ZNF804B: variants seen among roughly 807,000 people sequenced by gnomAD.
The protein encoded by ZNF804B is zinc finger 804B.
ZNF804B carries 80 observed loss-of-function variants against 101.4 expected under a neutral mutation model. The ratio of observed to expected loss-of-function variants is 0.79; its 90% CI spans 0.66 to 0.95. The LOEUF (loss-of-function observed/expected upper bound fraction) is 0.95, where lower values mean the gene tolerates loss of function less well. Ranked by LOEUF, ZNF804B falls within the 40% of genes least tolerant of loss-of-function variation. ZNF804B has a pLI of 0.00. For missense variants in ZNF804B, 1,673 were observed against 1,561.9 expected, an observed-to-expected ratio of 1.07 and a Z score of -1.20; for synonymous variants, 622 against 558.8, an observed-to-expected ratio of 1.11 and a Z score of -1.59.
At chr7:89,191,672 T>C (rs1679679932) in intron 1 of ZNF804B, among the ~76,000 whole-genome samples, 1 of 152,104 alleles carries the variant, frequency 6.6e-6, no homozygotes, top group South Asian at 2.1e-4. Flanking sequence ...AGTATTTGAA[T>C]GACATTCAGT....
In ZNF804B at chr7:89,324,187, G is replaced by C. The variant is rs17168695; in HGVS notation, c.250-3157G>C. Among the ~76,000 whole-genome samples the C allele has an allele frequency of 4.4e-3, 661 of 151,146 alleles. 5 individuals are homozygous for C. The highest frequency in any genetic ancestry group is 0.015 in the African/African-American group (625 of 40,528). On this transcript the variant is annotated intron_variant, in intron 2 of 3. Transcript: ENST00000333190. ...TGTTGATGTTTAATAGCAAGACGTTGAAATATTCTATAATAATTGTCCATT... is the reference window on the plus strand; with the variant it reads ...TGTTGATGTTTAATAGCAAGACGTTCAAATATTCTATAATAATTGTCCATT...
intron 2 of ZNF804B, among the ~76,000 whole-genome samples, chr7:89,233,070 C>T (rs750399648): frequency 1.2e-3 from 189 of 151,984 alleles, no homozygotes; most frequent in Non-Finnish European, 1.2e-3. Context: ...TACAGGCGCC[C>T]GCCACCACGC....
chr7:89,091,263 A>G (rs1041393646), intron 1 of ZNF804B, among the ~76,000 whole-genome samples: 1 of 152,148 alleles, frequency 6.6e-6, no homozygotes, highest in Non-Finnish European at 1.5e-5. Context: ...AGTGACTTAG[A>G]TGTAAATTAG....
chr7:89,278,959 G>A (rs1010221660), intron 2 of ZNF804B, among the ~76,000 whole-genome samples: 5 of 152,026 alleles, frequency 3.3e-5, no homozygotes, highest in Admixed American at 2.0e-4. Flanking sequence ...CCATTTTCAC[G>A]ATATTGATTC....
At chr7:89,025,381 A>G (rs1048565268) in intron 1 of ZNF804B, among the ~76,000 whole-genome samples, 3 of 152,084 alleles carry the variant, frequency 2.0e-5, no homozygotes, top group African/African-American at 7.2e-5. Context: ...GCTATTATCT[A>G]TCTTAAGAGC....
At chr7:88,936,927 A>G (rs978935537) in intron 1 of ZNF804B, among the ~76,000 whole-genome samples, 1 of 152,022 alleles carries the variant, frequency 6.6e-6, no homozygotes, top group African/African-American at 2.4e-5. Flanking sequence ...AATTACATTT[A>G]AGCTAGACTG....
chr7:89,227,879 T>C (rs1379252761), intron 2 of ZNF804B, among the ~76,000 whole-genome samples: 1 of 152,198 alleles, frequency 6.6e-6, no homozygotes, highest in Non-Finnish European at 1.5e-5. Flanking sequence ...GGGAAAAAAA[T>C]ATGTCATTTG....
chr7:88,872,575 C>T (rs549301482), intron 1 of ZNF804B, among the ~76,000 whole-genome samples: 15 of 152,006 alleles, frequency 9.9e-5, no homozygotes, highest in Admixed American at 2.0e-4. Context: ...CCCATTAACT[C>T]GTCATCTAGC....
At chr7:89,100,569 C>T (rs1790039642) in intron 1 of ZNF804B, among the ~76,000 whole-genome samples, 2 of 151,896 alleles carry the variant, frequency 1.3e-5, no homozygotes, top group African/African-American at 4.8e-5. Flanking sequence ...ATCTCTCTGA[C>T]AAAAGATTGA....
Position 89,333,517 on chromosome 7 carries a change from G to A in ZNF804B, c.535G>A (p.Asp179Asn), listed in dbSNP as rs150823294. Residue 179 changes from aspartate (D) to asparagine (N), a missense_variant, in exon 4 of 4, where the codon GAT (aspartate) becomes AAT (asparagine). Physicochemically the swap from Asp to Asn is conservative, Grantham distance 23. Transcript: ENST00000333190. ...KGKNLPRIISDKQRSTMPNRH... is the reference protein window; with the variant it reads ...KGKNLPRIISNKQRSTMPNRH... ...AAAAAATCTCCCCAGAATCATATCC[G>A]ATAAACAGCGGTCCACCATGCCAAA... 2.2e-5 allele frequency: 35 copies of A among 1,613,376 alleles called. No homozygotes were observed. The highest frequency in any genetic ancestry group is 6.7e-5 in the East Asian group (3 of 44,850).
chr7:89,163,666 C>CA lies in ZNF804B; in HGVS notation c.109-54480dup, dbSNP rs34344086. 9.7e-3 allele frequency among the ~76,000 whole-genome samples: 1,453 copies of CA among 149,864 alleles called. 22 individuals are homozygous for CA. Among genetic ancestry groups the CA allele is most frequent in the African/African-American group, 0.027 (1,092 of 40,894 alleles). On this transcript the variant is annotated intron_variant, in intron 1 of 3. Transcript: ENST00000333190. ...CGGAAACAGCATTGGTCACTTTTAG[C>CA]AAAAAAAAATGTATTTTTAATAATT...
At chr7:89,306,614 T>C (rs1023180982) in intron 2 of ZNF804B, among the ~76,000 whole-genome samples, 1 of 152,050 alleles carries the variant, frequency 6.6e-6, no homozygotes, top group Non-Finnish European at 1.5e-5. Flanking sequence ...TTCTGCTCTA[T>C]ACTCAAATAT....
At chr7:88,760,760 T>G (rs1458552977) in intron 1 of ZNF804B, among the ~76,000 whole-genome samples, 1 of 151,418 alleles carries the variant, frequency 6.6e-6, no homozygotes, top group East Asian at 1.9e-4. Flanking sequence ...TTTTATAAAA[T>G]AATTTCATCC....
intron 1 of ZNF804B, among the ~76,000 whole-genome samples, chr7:89,161,727 TA>T (rs543639810): frequency 1.3e-3 from 196 of 148,134 alleles, no homozygotes; most frequent in Middle Eastern, 7.3e-3. Context: ...TCTTGCTTTT[TA>T]TGGAGAATTG....
At chr7:88,956,347 T>A (rs1793308569) in intron 1 of ZNF804B, among the ~76,000 whole-genome samples, 1 of 151,518 alleles carries the variant, frequency 6.6e-6, no homozygotes. Context: ...GTGTCCTAAG[T>A]GTCTTTTACA....
intron 2 of ZNF804B, among the ~76,000 whole-genome samples, chr7:89,294,732 T>C (rs1011135338): frequency 6.6e-6 from 1 of 152,036 alleles, no homozygotes; most frequent in African/African-American, 2.4e-5. Context: ...GTTTCATGTC[T>C]TAATTCTTTA....
intron 1 of ZNF804B, among the ~76,000 whole-genome samples, chr7:89,075,662 C>T (rs187875590): frequency 1.9e-4 from 29 of 152,282 alleles, no homozygotes; most frequent in African/African-American, 5.1e-4. Flanking sequence ...TCCCTACTGG[C>T]GCACCGCCTA....
chr7:89,123,726 T>C (rs1790438793), intron 1 of ZNF804B, among the ~76,000 whole-genome samples: 1 of 149,220 alleles, frequency 6.7e-6, no homozygotes, highest in Non-Finnish European at 1.5e-5. Flanking sequence ...TAAGTATTAA[T>C]GTTATTACCC....
chr7:88,950,329 G>A (rs1024703664), intron 1 of ZNF804B, among the ~76,000 whole-genome samples: 1 of 151,792 alleles, frequency 6.6e-6, no homozygotes, highest in Admixed American at 6.6e-5. Context: ...CTGCCATTAA[G>A]TAGTTTTCAG....
Sources: gnomAD v4.1 joint callset for allele counts (sites outside exome capture counted in the v4.1 genomes callset) on GRCh38, gnomAD v4.1.1 for gene constraint, MANE v1.5 for transcripts, NCBI Gene and HGNC (gene_info 2026-07-23, HGNC 2026-07-21) for gene names.